The following ZIM3 variants were observed in gnomAD, a reference collection of about 807,000 sequenced individuals.
The protein encoded by ZIM3 is zinc finger protein 657.
Under a neutral mutation model 12.9 loss-of-function variants are expected in ZIM3, and 11 were observed. That is an observed-to-expected ratio of 0.85 (90% CI 0.54 to 1.41). The LOEUF (loss-of-function observed/expected upper bound fraction) is 1.41, where lower values mean the gene tolerates loss of function less well. Ranked by LOEUF, ZIM3 falls within the 40% of genes most tolerant of loss-of-function variation. The pLI is 0.00. For synonymous variants in ZIM3, 205 were observed against 198.5 expected, an observed-to-expected ratio of 1.03 and a Z score of -0.28; for missense variants, 604 against 557.2, an observed-to-expected ratio of 1.08 and a Z score of -0.85.
At chr19:57,136,126 TAAA>T (rs2086885882) in intron 4 of ZIM3, 31 bp from the exon 5 acceptor site, 1 of 1,565,972 alleles carries the variant, frequency 6.4e-7, no homozygotes, top group Admixed American at 1.8e-5. Context: ...ATGTCCTGTG[TAAA>T]ACGTTCCACT....
intron 2 of ZIM3, among the ~76,000 whole-genome samples, chr19:57,141,398 CAAAAAAAAAAA>C (rs66633580): frequency 3.8e-5 from 4 of 105,470 alleles, no homozygotes; most frequent in Non-Finnish European, 5.6e-5. Flanking sequence ...GAGACTGTCT[CAAAAAAAAAAA>C]AAAAAAAAAA....
Position 57,135,747 on chromosome 19 carries a change from C to T in ZIM3, c.590G>A (p.Cys197Tyr). Reference sequence around the variant, plus strand: ...CCCGAATGCTCTTCCACAGCTATGACATTCAAAGGGTTTTTGACAGGCATG... The same window carrying T: ...CCCGAATGCTCTTCCACAGCTATGATATTCAAAGGGTTTTTGACAGGCATG... ...RRHACQKPFE[C>Y]HSCGRAFGEK... The change falls in exon 5 of 5, where the codon TGT (cysteine) becomes TAT (tyrosine). Residue 197 changes from cysteine (C) to tyrosine (Y), a missense_variant. By Grantham distance (194) the Cys-to-Tyr change is radical (BLOSUM62 -2). Transcript: ENST00000269834. 1 of 1,614,066 alleles carries T rather than the reference C, an allele frequency of 6.2e-7. No homozygotes were observed. Among genetic ancestry groups the T allele is most frequent in the Non-Finnish European group, 8.5e-7 (1 of 1,180,032 alleles).
In ZIM3 at chr19:57,138,572, A is replaced by T. The variant is rs17305563; in HGVS notation, c.42T>A (p.Thr14=). 67,278 of 1,614,122 alleles carry T rather than the reference A, an allele frequency of 0.042. 6,081 individuals carry two copies. In the East Asian group the frequency reaches 0.44, roughly 11 times the overall value. ...SQGRVTFEDV[T]VNFTQGEWQR... is the part of the protein sequence containing the mutation. ...GCCACTCCCCCTGGGTGAAGTTCAC[A>T]GTGACATCCTCGAAGGTCACTCTTC... Residue 14 remains threonine (T), a synonymous_variant, in exon 3 of 5, where the codon ACT becomes ACA. Coordinates refer to ENST00000269834, the MANE Select transcript of ZIM3 (RefSeq NM_052882.1).
Position 57,142,649 on chromosome 19 carries a change from G to A in ZIM3, c.-6C>T, listed in dbSNP as rs374962216. 1.2e-6 allele frequency: 2 copies of A among 1,613,472 alleles called. No homozygotes were observed. Among genetic ancestry groups the A allele is most frequent in the South Asian group, 1.1e-5 (1 of 91,040 alleles). ...CTCACCTGGGAATTGTTCATTTCCT[G>A]TTCTTCACCAGTCAGTAAAGTCTTG... On this transcript the variant is annotated 5_prime_UTR_variant, in exon 2 of 5. Coordinates refer to ENST00000269834, the MANE Select transcript of ZIM3 (RefSeq NM_052882.1).
intron 1 of ZIM3, among the ~76,000 whole-genome samples, chr19:57,143,344 A>AAGAG (rs1555756671): frequency 6.8e-6 from 1 of 146,830 alleles, no homozygotes; most frequent in Non-Finnish European, 1.5e-5. Flanking sequence ...AAAAAAAAAA[A>AAGAG]AGAGAGAGAG....
At chr19:57,139,554 C>T (rs2086904763) in intron 2 of ZIM3, among the ~76,000 whole-genome samples, 1 of 151,538 alleles carries the variant, frequency 6.6e-6, no homozygotes, top group African/African-American at 2.4e-5. Context: ...GGTGAAACCC[C>T]ATCTCTACTA....
rs1294565568 is a variant in ZIM3 at position 57,136,111 on chromosome 19, A to G, written c.242-16T>C. 6.3e-7 allele frequency: 1 copy of G among 1,594,000 alleles called. No homozygotes were observed. Among genetic ancestry groups the G allele is most frequent in the South Asian group, 1.1e-5 (1 of 88,630 alleles). The stretch of plus-strand genomic sequence containing the variant: ...CCATTTTTTTCTAAAATGGAATACA[A>G]AAAAATGTCCTGTGTAAAACGTTCC... On this transcript the variant is annotated splice_polypyrimidine_tract_variant and intron_variant, in intron 4 of 4. Coordinates refer to ENST00000269834, the MANE Select transcript of ZIM3 (RefSeq NM_052882.1).
chr19:57,143,249 G>T (rs8113153), intron 1 of ZIM3, among the ~76,000 whole-genome samples: 7,112 of 151,688 alleles, frequency 0.047, 532 homozygotes, highest in African/African-American at 0.16. Context: ...GAGAATGGCG[G>T]GAACCCGGGA....
chr19:57,143,201 G>C (rs1356288905), intron 1 of ZIM3, among the ~76,000 whole-genome samples: 2 of 151,948 alleles, frequency 1.3e-5, no homozygotes, highest in South Asian at 2.1e-4. Flanking sequence ...CGTGGTGGCG[G>C]GCGCCTGTAG....
rs2086931293 is a variant in ZIM3 at position 57,145,050 on chromosome 19, T to A, written c.-234A>T. The A allele has an allele frequency of 6.6e-6, 1 of 152,146 alleles. No individual in the cohort carries two copies. Among genetic ancestry groups the A allele is most frequent in the Non-Finnish European group, 1.5e-5 (1 of 68,042 alleles). 9.4% of individuals were successfully genotyped at this position (152,146 alleles called of 1,614,324 possible). The stretch of plus-strand genomic sequence containing the variant: ...CAAGAAACAACCCAAAACACTCACT[T>A]CCTATCAAAAGCCCCACCTGATCCT... On this transcript the variant is annotated 5_prime_UTR_variant, in exon 1 of 5. Coordinates refer to ENST00000269834, the MANE Select transcript of ZIM3 (RefSeq NM_052882.1).
At chr19:57,136,131 C>G in intron 4 of ZIM3, 36 bp from the exon 5 acceptor site, 1 of 1,548,176 alleles carries the variant, frequency 6.5e-7, no homozygotes, top group South Asian at 1.2e-5. Flanking sequence ...CTGTGTAAAA[C>G]GTTCCACTCA....
chr19:57,135,133 G>T lies in ZIM3; in HGVS notation c.1204C>A (p.Gln402Lys). 6.2e-7 allele frequency: 1 copy of T among 1,614,138 alleles called. No individual in the cohort carries two copies. Residue 402 changes from glutamine (Q) to lysine (K), a missense_variant, in exon 5 of 5, where the codon CAG (glutamine) becomes AAG (lysine). By Grantham distance (53) the Gln-to-Lys change is moderately conservative. Transcript: ENST00000269834. ...ECNRCGKAFFQKSNLHSHQKT... is the reference protein window; with the variant it reads ...ECNRCGKAFFKKSNLHSHQKT... ...TGATGGCTATGAAGGTTTGACTTCTGAAAGAAGGCTTTTCCACATCTGTTA... is the reference window on the plus strand; with the variant it reads ...TGATGGCTATGAAGGTTTGACTTCTTAAAGAAGGCTTTTCCACATCTGTTA...
intron 3 of ZIM3, among the ~76,000 whole-genome samples, chr19:57,137,990 G>A (rs986639502): frequency 1.0e-4 from 7 of 70,050 alleles, no homozygotes; most frequent in African/African-American, 1.6e-4. Context: ...AAAGAAGGAA[G>A]GAAGGAAGGA....
rs2086889774 is a variant in ZIM3, at chr19:57,136,945, C to T, written c.169G>A (p.Val57Met). 3 of 1,614,224 alleles carry T rather than the reference C, an allele frequency of 1.9e-6. No homozygotes were observed. The South Asian group carries it at 3.3e-5, about 18-fold the overall frequency. Residue 57 changes from valine to methionine, a missense_variant, in exon 4 of 5, where the codon GTG (valine) becomes ATG (methionine). Transcript: ENST00000269834. Reference sequence around the variant, plus strand: ...TTTCCTTGTTCCAACCTCAAGATCACATCGGGTTTGGTGGTTTCCCCTTGT... The same window carrying T: ...TTTCCTTGTTCCAACCTCAAGATCATATCGGGTTTGGTGGTTTCCCCTTGT... ...VGQGETTKPD[V>M]ILRLEQGKEP...
intron 2 of ZIM3, among the ~76,000 whole-genome samples, chr19:57,140,982 T>C (rs2370132): frequency 0.69 from 105,380 of 151,928 alleles, 36,987 homozygotes; most frequent in South Asian, 0.88. Context: ...CGAACAAAGT[T>C]GGGAGAGGAC....
intron 3 of ZIM3, among the ~76,000 whole-genome samples, chr19:57,138,054 A>AAG (rs2086897191): frequency 2.2e-5 from 1 of 45,738 alleles, no homozygotes; most frequent in Non-Finnish European, 3.6e-5. Flanking sequence ...AAGGAAGGAA[A>AAG]GAAGGAAGGA....
intron 2 of ZIM3, among the ~76,000 whole-genome samples, chr19:57,141,680 G>A (rs1412655667): frequency 1.3e-5 from 2 of 151,612 alleles, no homozygotes; most frequent in South Asian, 2.1e-4. Context: ...GTGAAGCCCC[G>A]TCTCTACCAA....
At position 57,135,453 on chromosome 19, in the gene ZIM3, A is replaced by G. The variant is rs756672519; in HGVS notation, c.884T>C (p.Ile295Thr). The G allele has an allele frequency of 1.2e-6, 2 of 1,614,112 alleles. No individual in the cohort carries two copies. Among genetic ancestry groups the G allele is most frequent in the South Asian group, 1.1e-5 (1 of 91,074 alleles). The change falls in exon 5 of 5, where the codon ATT becomes ACT. Residue 295 changes from isoleucine (I) to threonine (T), a missense_variant. Transcript: ENST00000269834. ...EKSFRQNSTL[I>T]QHKKVHTGQK... ...TCCAGTGTGAACTTTTTTATGTTGAATGAGGGTTGAGTTCTGCCTGAAGGA... is the reference window on the plus strand; with the variant it reads ...TCCAGTGTGAACTTTTTTATGTTGAGTGAGGGTTGAGTTCTGCCTGAAGGA...
intron 3 of ZIM3, among the ~76,000 whole-genome samples, chr19:57,137,858 G>GGAAGGAAGGAAA (rs2086893839): frequency 2.7e-5 from 2 of 73,898 alleles, no homozygotes; most frequent in African/African-American, 5.2e-5. Flanking sequence ...AAGGAAGGAA[G>GGAAGGAAGGAAA]GAAGGAAGGA....
Sources: allele counts gnomAD v4.1 joint callset (sites outside exome capture counted in the v4.1 genomes callset), GRCh38; gene constraint gnomAD v4.1.1; transcripts MANE v1.5; gene names NCBI Gene and HGNC (gene_info 2026-07-23, HGNC 2026-07-21).